RARB: variants seen among roughly 807,000 people sequenced by gnomAD.
RARB encodes retinoic acid receptor beta, also known as HBV-activated protein.
A neutral mutation model predicts 51.9 loss-of-function variants in RARB; 17 were observed. The ratio of observed to expected loss-of-function variants is 0.33; its 90% CI spans 0.22 to 0.49. RARB has a LOEUF of 0.49. RARB is among the 20% of genes least tolerant of loss of function. The probability of loss-of-function intolerance (pLI) is 0.99; values close to 1 mark genes in which losing one functional copy is unlikely to be tolerated. For synonymous variants in RARB, 215 were observed against 195.4 expected (o/e 1.10, Z -0.84); for missense variants, 369 against 550.8 (o/e 0.67, Z 3.30).
chr3:24,987,925 G>A (rs1050793043), intron 2 of RARB, among the ~76,000 whole-genome samples: 19 of 151,502 alleles, frequency 1.3e-4, no homozygotes, highest in Admixed American at 5.9e-4. Flanking sequence ...ATAAATCTTG[G>A]CTTCTCTTCT....
In RARB at chr3:25,461,241, C is replaced by G. The variant is rs1695164156; in HGVS notation, c.206C>G (p.Pro69Arg). The G allele has an allele frequency of 6.2e-7, 1 of 1,614,040 alleles. No homozygotes were observed. The highest frequency in any genetic ancestry group is 8.5e-7 in the Non-Finnish European group (1 of 1,179,968). ...TSSEELVPSP[P>R]SPLPPPRVYK... ...TCTGAGGAACTCGTCCCAAGCCCCC[C>G]ATCTCCACTTCCTCCCCCTCGAGTG... Residue 69 changes from proline (P) to arginine (R), a missense_variant, in exon 2 of 8, where the codon CCA (proline) becomes CGA (arginine). Pro to Arg is a moderately radical substitution (Grantham distance 103). Transcript: ENST00000330688.
At chr3:25,253,353 A>C (rs568871466) in intron 5 of RARB, among the ~76,000 whole-genome samples, 5 of 152,330 alleles carry the variant, frequency 3.3e-5, no homozygotes, top group Non-Finnish European at 7.4e-5. Flanking sequence ...AAATTTTACT[A>C]TTCTGGGAAA....
At chr3:25,335,715 T>G (rs1199644533) in intron 5 of RARB, among the ~76,000 whole-genome samples, 1 of 151,698 alleles carries the variant, frequency 6.6e-6, no homozygotes, top group Non-Finnish European at 1.5e-5. Flanking sequence ...AATTTCACAT[T>G]TACTTTCTGC....
At chr3:25,233,311 G>T (rs1702226808) in intron 5 of RARB, among the ~76,000 whole-genome samples, 1 of 151,996 alleles carries the variant, frequency 6.6e-6, no homozygotes, top group South Asian at 2.1e-4. Context: ...AGGTTTATCA[G>T]AACATAACCC....
chr3:25,121,922 T>G (rs1699790744), intron 3 of RARB, among the ~76,000 whole-genome samples: 1 of 152,146 alleles, frequency 6.6e-6, no homozygotes. Context: ...ACTTTCTTCC[T>G]CATTCTTCCT....
rs201633521 is a variant in RARB at position 24,967,123 on chromosome 3, CAGA to C, written c.-379-92998_-379-92996del. Among the ~76,000 whole-genome samples, 121 of 152,204 alleles carry C rather than the reference CAGA, an allele frequency of 7.9e-4. 1 individual carries two copies. In the East Asian group the frequency reaches 0.021, roughly 26 times the overall value. ...AAATTTCCATATTATCTTGAAAAAT[CAGA>C]AGATCTGGCAACTCTCGGCCCGTGG... On this transcript the variant is annotated intron_variant, in intron 2 of 11. Coordinates refer to the RARB transcript ENST00000383772.
chr3:25,435,716 G>A (rs1053165105), intron 1 of RARB, among the ~76,000 whole-genome samples: 15 of 152,096 alleles, frequency 9.9e-5, no homozygotes, highest in Admixed American at 2.6e-4. Flanking sequence ...GTATAAAAAG[G>A]CATATATTTT....
Position 25,531,725 on chromosome 3 carries a change from A to T in RARB, c.448+30402A>T, listed in dbSNP as rs1450278437. Among the ~76,000 whole-genome samples, 9 of 58,150 alleles carry T rather than the reference A, an allele frequency of 1.5e-4. No homozygotes were observed. In the African/African-American group the frequency reaches 2.1e-3, roughly 14 times the overall value. 38.1% of individuals were successfully genotyped at this position (58,150 alleles called of 152,430 possible). ...ACAAGAAAAAGATATAGACACTTTA[A>T]AAAAAAAAAAAAAAAAGCAGATACC... On this transcript the variant is annotated intron_variant, in intron 3 of 7. Transcript: ENST00000330688.
At chr3:24,905,568 C>T (rs115820188) in intron 2 of RARB, among the ~76,000 whole-genome samples, 2,074 of 152,284 alleles carry the variant, frequency 0.014, 50 homozygotes, top group African/African-American at 0.048. Flanking sequence ...TTTGGACAAG[C>T]TTTCCTTTCC....
intron 5 of RARB, among the ~76,000 whole-genome samples, chr3:25,374,382 G>GAT (rs1032886123): frequency 1.3e-5 from 2 of 152,132 alleles, no homozygotes; most frequent in Non-Finnish European, 2.9e-5. Flanking sequence ...AAAATCTAAA[G>GAT]ATATAGGTAG....
At chr3:24,878,930 A>T (rs1559380417) in intron 2 of RARB, among the ~76,000 whole-genome samples, 1 of 152,116 alleles carries the variant, frequency 6.6e-6, no homozygotes, top group South Asian at 2.1e-4. Context: ...TAGTTGTAAA[A>T]TTTCTCATTT....
At chr3:24,961,688 C>A (rs1204854880) in intron 2 of RARB, among the ~76,000 whole-genome samples, 1 of 152,108 alleles carries the variant, frequency 6.6e-6, no homozygotes, top group African/African-American at 2.4e-5. Flanking sequence ...GATGGATCAA[C>A]TCAGAACAGG....
intron 3 of RARB, among the ~76,000 whole-genome samples, chr3:25,531,705 A>G (rs1261389589): frequency 6.9e-6 from 1 of 145,472 alleles, no homozygotes; most frequent in Non-Finnish European, 1.5e-5. Flanking sequence ...GTAGAACAAG[A>G]AAAAGATATA....
intron 5 of RARB, among the ~76,000 whole-genome samples, chr3:25,331,872 T>G (rs1189031644): frequency 6.6e-6 from 1 of 152,148 alleles, no homozygotes; most frequent in African/African-American, 2.4e-5. Context: ...AAATACAAAC[T>G]ACCATCAGAG....
intron 2 of RARB, among the ~76,000 whole-genome samples, chr3:24,940,468 G>T (rs528600818): frequency 6.6e-6 from 1 of 152,170 alleles, no homozygotes; most frequent in South Asian, 2.1e-4. Flanking sequence ...GGATAGGAAG[G>T]ATTTCATACC....
chr3:25,268,151 A>G (rs1703168480), intron 5 of RARB, among the ~76,000 whole-genome samples: 1 of 152,204 alleles, frequency 6.6e-6, no homozygotes, highest in South Asian at 2.1e-4. Flanking sequence ...TCCTCTTTTA[A>G]TCTTTTAACA....
intron 5 of RARB, among the ~76,000 whole-genome samples, chr3:25,240,991 A>G (rs548696009): frequency 6.6e-6 from 1 of 152,192 alleles, no homozygotes; most frequent in South Asian, 2.1e-4. Flanking sequence ...ATTTATTACC[A>G]AGTCAATCTC....
intron 5 of RARB, among the ~76,000 whole-genome samples, chr3:25,243,540 G>T (rs531752156): frequency 1.3e-5 from 2 of 152,270 alleles, no homozygotes; most frequent in African/African-American, 4.8e-5. Flanking sequence ...TTTTATCAAA[G>T]ACCTTTTCTG....
intron 2 of RARB, among the ~76,000 whole-genome samples, chr3:24,928,279 A>G (rs903323230): frequency 3.9e-5 from 6 of 151,976 alleles, no homozygotes; most frequent in African/African-American, 1.4e-4. Flanking sequence ...ACTGGATTTC[A>G]AAGATCACAT....
Sources: allele counts gnomAD v4.1 joint callset (sites outside exome capture counted in the v4.1 genomes callset), GRCh38; gene constraint gnomAD v4.1.1; transcripts MANE v1.5; gene names NCBI Gene and HGNC (gene_info 2026-07-23, HGNC 2026-07-21).